GUCA2B: variants seen among roughly 807,000 people sequenced by gnomAD.
GUCA2B encodes the protein guanylate cyclase activator 2B, also known as prepro-uroguanylin.
A neutral mutation model predicts 11.1 loss-of-function variants in GUCA2B; 7 were observed. That is an observed-to-expected ratio of 0.63 (90% CI 0.36 to 1.18). The LOEUF (loss-of-function observed/expected upper bound fraction) is 1.18, where lower values mean the gene tolerates loss of function less well. GUCA2B is among the 50% of genes most tolerant of loss of function. The pLI is 0.02. For missense variants in GUCA2B, 140 were observed against 142.5 expected (o/e 0.98, Z 0.09); for synonymous variants, 69 against 65.3 (o/e 1.06, Z -0.27).
chr1:42,155,510 A>G (rs2124013736), intron 2 of GUCA2B, 25 bp from the exon 3 acceptor site: 1 of 1,606,408 alleles, frequency 6.2e-7, no homozygotes, highest in Non-Finnish European at 8.5e-7. Context: ...GTTCAGGTCA[A>G]CTGACCAGTT....
chr1:42,153,428 G>T lies in GUCA2B; in HGVS notation c.-23G>T. 7 of 1,569,788 alleles carry T rather than the reference G, an allele frequency of 4.5e-6. No individual in the cohort carries two copies. The highest frequency in any genetic ancestry group is 6.1e-6 in the Non-Finnish European group (7 of 1,144,138). On this transcript the variant is annotated 5_prime_UTR_variant, in exon 1 of 3. Transcript: ENST00000372581. ...CACAGATGGGAGACGGTGGACAGCG[G>T]CAGGGGGAACCCAGGGAGCGCGATG...
intron 2 of GUCA2B, among the ~76,000 whole-genome samples, chr1:42,155,097 C>A (rs1205891743): frequency 6.6e-6 from 1 of 152,206 alleles, no homozygotes; most frequent in Non-Finnish European, 1.5e-5. Context: ...CATCAACAGA[C>A]AATGGCTGCG....
intron 2 of GUCA2B, 141 bp from the exon 3 acceptor site, chr1:42,155,394 A>G (rs998353944): frequency 1.4e-6 from 1 of 710,938 alleles, no homozygotes; most frequent in African/African-American, 1.7e-5. Context: ...CTGGGACTTG[A>G]ACCCAAGCCC....
rs765343038 is a variant in GUCA2B, at chr1:42,155,543, G to A, written c.286G>A (p.Ala96Thr). The A allele has an allele frequency of 1.1e-5, 17 of 1,613,724 alleles. No individual in the cohort carries two copies. The highest frequency in any genetic ancestry group is 1.7e-5 in the Admixed American group (1 of 60,006). The change falls in exon 3 of 3, where the codon GCT (alanine) becomes ACT (threonine). Residue 96 changes from alanine to threonine, a missense_variant. By Grantham distance (58) the Ala-to-Thr change is moderately conservative. Transcript: ENST00000372581. ...SSIFKTLRTI[A>T]NDDCELCVNV... The stretch of plus-strand genomic sequence containing the variant: ...GTTCTCTCCCTGCCCAGGGACCATC[G>A]CTAACGACGACTGTGAGCTGTGTGT...
intron 1 of GUCA2B, among the ~76,000 whole-genome samples, chr1:42,153,833 G>T (rs1001483983): frequency 6.6e-6 from 1 of 152,218 alleles, no homozygotes; most frequent in Non-Finnish European, 1.5e-5. Flanking sequence ...CCTTGCATGG[G>T]AGGAGGCCAG....
intron 1 of GUCA2B, among the ~76,000 whole-genome samples, chr1:42,153,949 G>T (rs935039657): frequency 3.9e-5 from 6 of 152,230 alleles, no homozygotes; most frequent in African/African-American, 1.4e-4. Context: ...AGTAACCCTT[G>T]AGCTGGCATT....
intron 2 of GUCA2B, 147 bp from the exon 3 acceptor site, chr1:42,155,388 G>C (rs1646104521): frequency 1.4e-6 from 1 of 694,170 alleles, no homozygotes; most frequent in African/African-American, 1.7e-5. Flanking sequence ...GAGCATCTGG[G>C]ACTTGAACCC....
In GUCA2B at chr1:42,154,375, G is replaced by A. The variant is rs1646098218; in HGVS notation, c.91-305G>A. On this transcript the variant is annotated intron_variant, in intron 1 of 2. Coordinates refer to ENST00000372581, the MANE Select transcript of GUCA2B (RefSeq NM_007102.3). Reference sequence around the variant, plus strand: ...GTGCCCTGGTACCAGGCCCCCACGGGAGATGTCAGATGAGGGAACTGAGGC... The same window carrying A: ...GTGCCCTGGTACCAGGCCCCCACGGAAGATGTCAGATGAGGGAACTGAGGC... Among the ~76,000 whole-genome samples the A allele has an allele frequency of 2.6e-5, 4 of 152,218 alleles. No individual in the cohort carries two copies. In the South Asian group the frequency reaches 8.3e-4, roughly 31 times the overall value.
rs1557600625 is a variant in GUCA2B at position 42,155,559 on chromosome 1, A to G, written c.302A>G (p.Glu101Gly). 4 of 1,614,058 alleles carry G rather than the reference A, an allele frequency of 2.5e-6. No homozygotes were observed. Among genetic ancestry groups the G allele is most frequent in the Non-Finnish European group, 2.5e-6 (3 of 1,179,932 alleles). The change falls in exon 3 of 3, where the codon GAG (glutamate) becomes GGG (glycine). Residue 101 changes from glutamate to glycine, a missense_variant. Transcript: ENST00000372581. ...TLRTIANDDC[E>G]LCVNVACTGC... ...GGGACCATCGCTAACGACGACTGTGAGCTGTGTGTGAACGTTGCGTGTACC... is the reference window on the plus strand; with the variant it reads ...GGGACCATCGCTAACGACGACTGTGGGCTGTGTGTGAACGTTGCGTGTACC...
Position 42,153,442 on chromosome 1 carries a change from G to T in GUCA2B, c.-9G>T, listed in dbSNP as rs377628698. 10 of 1,604,244 alleles carry T rather than the reference G, an allele frequency of 6.2e-6. No homozygotes were observed. In the African/African-American group the frequency reaches 1.3e-4, roughly 21 times the overall value. ...GGTGGACAGCGGCAGGGGGAACCCA[G>T]GGAGCGCGATGGGCTGCAGGGCTGC... On this transcript the variant is annotated 5_prime_UTR_variant, in exon 1 of 3. The change creates a new upstream start codon in the 5' untranslated region. Coordinates refer to ENST00000372581, the MANE Select transcript of GUCA2B (RefSeq NM_007102.3).
intron 2 of GUCA2B, among the ~76,000 whole-genome samples, chr1:42,155,085 C>T (rs886162623): frequency 1.2e-4 from 19 of 152,206 alleles, no homozygotes; most frequent in African/African-American, 4.6e-4. Flanking sequence ...CAGGCACAGA[C>T]CCATCAACAG....
chr1:42,154,332 C>T (rs1038448151), intron 1 of GUCA2B, among the ~76,000 whole-genome samples: 13 of 152,272 alleles, frequency 8.5e-5, no homozygotes, highest in South Asian at 6.2e-4. Flanking sequence ...CTCAGGCAGG[C>T]GTACTCAGTT....
intron 2 of GUCA2B, 88 bp from the exon 3 acceptor site, chr1:42,155,447 T>G: frequency 9.8e-7 from 1 of 1,018,998 alleles, no homozygotes; most frequent in Non-Finnish European, 1.6e-6. Context: ...CTGTGGAAGA[T>G]GCCGCCCATT....
Position 42,153,468 on chromosome 1 carries a change from A to G in GUCA2B, c.18A>G (p.Ala6=), listed in dbSNP as rs1047047. ...GGAGCGCGATGGGCTGCAGGGCTGC[A>G]TCAGGGCTCCTGCCAGGAGTGGCCG... MGCRA[A]SGLLPGVAVV... is the part of the protein sequence containing the mutation. Residue 6 remains alanine, a synonymous_variant, in exon 1 of 3, where the codon GCA becomes GCG. Transcript: ENST00000372581. 293,024 of 1,610,274 alleles carry G rather than the reference A, an allele frequency of 0.18. 31,514 individuals carry two copies. Among genetic ancestry groups the G allele is most frequent in the East Asian group, 0.42 (18,714 of 44,854 alleles).
At position 42,155,577 on chromosome 1, in the gene GUCA2B, C is replaced by T. The variant is rs777178660; in HGVS notation, c.320C>T (p.Ala107Val). 14 of 1,613,656 alleles carry T rather than the reference C, an allele frequency of 8.7e-6. No individual in the cohort carries two copies. The South Asian group carries it at 8.8e-5, about 10-fold the overall frequency. The change falls in exon 3 of 3, where the codon GCG (alanine) becomes GTG (valine). Residue 107 changes from alanine (A) to valine (V), a missense_variant. By Grantham distance (64) the Ala-to-Val change is moderately conservative (BLOSUM62 0). Coordinates refer to ENST00000372581, the MANE Select transcript of GUCA2B (RefSeq NM_007102.3). ...NDDCELCVNV[A>V]CTGCL is the part of the protein sequence containing the mutation. ...GACTGTGAGCTGTGTGTGAACGTTG[C>T]GTGTACCGGCTGCCTCTGAGATAGC...
intron 1 of GUCA2B, 120 bp downstream of exon 1, chr1:42,153,660 C>T (rs760031152): frequency 1.4e-6 from 1 of 689,806 alleles, no homozygotes; most frequent in Non-Finnish European, 2.5e-6. Context: ...GGGGCTCAGC[C>T]CAACACCCAT....
chr1:42,155,679 C>T lies in GUCA2B; in HGVS notation c.*83C>T. ...TGGCAGGCTTCCATCCCCGTCCATG[C>T]TCAAGATGGGTCCCTGGCCACCATG... On this transcript the variant is annotated 3_prime_UTR_variant, in exon 3 of 3. Coordinates refer to ENST00000372581, the MANE Select transcript of GUCA2B (RefSeq NM_007102.3). 1 of 1,047,384 alleles carries T rather than the reference C, an allele frequency of 9.5e-7. No individual in the cohort carries two copies. The highest frequency in any genetic ancestry group is 1.5e-6 in the Non-Finnish European group (1 of 663,828). The allele number at this position is 1,047,384 out of a possible 1,614,324, so 64.9% of individuals were successfully genotyped here.
Position 42,155,602 on chromosome 1 carries a change from C to A in GUCA2B, c.*6C>A. The A allele has an allele frequency of 6.2e-7, 1 of 1,609,656 alleles. No homozygotes were observed. Among genetic ancestry groups the A allele is most frequent in the Non-Finnish European group, 8.5e-7 (1 of 1,175,904 alleles). On this transcript the variant is annotated 3_prime_UTR_variant, in exon 3 of 3. Transcript: ENST00000372581. Reference sequence around the variant, plus strand: ...CGTGTACCGGCTGCCTCTGAGATAGCCCTGGGTACCCTGAGCCCACCAGGG... The same window carrying A: ...CGTGTACCGGCTGCCTCTGAGATAGACCTGGGTACCCTGAGCCCACCAGGG...
chr1:42,154,782 G>C lies in GUCA2B; in HGVS notation c.193G>C (p.Ala65Pro). ...PRLQAQSLLPAVCHHPALPQD... is the reference protein window; with the variant it reads ...PRLQAQSLLPPVCHHPALPQD... ...CCTGCAGGCCCAGAGCCTCCTGCCCGCCGTGTGCCACCACCCTGCTCTGCC... is the reference window on the plus strand; with the variant it reads ...CCTGCAGGCCCAGAGCCTCCTGCCCCCCGTGTGCCACCACCCTGCTCTGCC... Residue 65 changes from alanine to proline, a missense_variant, in exon 2 of 3, where the codon GCC becomes CCC. By Grantham distance (27) the Ala-to-Pro change is conservative. Coordinates refer to ENST00000372581, the MANE Select transcript of GUCA2B (RefSeq NM_007102.3). 1 of 1,614,052 alleles carries C rather than the reference G, an allele frequency of 6.2e-7. No individual in the cohort carries two copies.
Sources: gnomAD v4.1 joint callset for allele counts (sites outside exome capture counted in the v4.1 genomes callset) on GRCh38, gnomAD v4.1.1 for gene constraint, MANE v1.5 for transcripts, NCBI Gene and HGNC (gene_info 2026-07-23, HGNC 2026-07-21) for gene names.